Variants in KDM4B observed in about 807,000 individuals in gnomAD.
KDM4B encodes the protein lysine-specific demethylase 4B.
A neutral mutation model predicts 125.2 loss-of-function variants in KDM4B; 32 were observed. That is an observed-to-expected ratio of 0.26 (90% CI 0.19 to 0.34). The LOEUF is 0.34. Ranked by LOEUF, KDM4B falls within the 10% of genes least tolerant of loss-of-function variation. The pLI is 1.00. For missense variants in KDM4B, 1,190 were observed against 1,577.7 expected (o/e 0.75, Z 4.16); for synonymous variants, 721 against 677.9 (o/e 1.06, Z -0.99).
intron 9 of KDM4B, among the ~76,000 whole-genome samples, chr19:5,083,463 A>T (rs1482351454): frequency 6.6e-6 from 1 of 152,192 alleles, no homozygotes; most frequent in Non-Finnish European, 1.5e-5. Flanking sequence ...TGGGCATCAC[A>T]GGTCTAGCCC....
intron 6 of KDM4B, among the ~76,000 whole-genome samples, chr19:5,066,672 A>G (rs2037779664): frequency 6.6e-6 from 1 of 152,236 alleles, no homozygotes; most frequent in Non-Finnish European, 1.5e-5. Context: ...ACCACCACGT[A>G]TGGCTCTCAC....
intron 16 of KDM4B, 22 bp downstream of exon 16, chr19:5,137,360 G>C: frequency 1.3e-6 from 2 of 1,549,440 alleles, no homozygotes; most frequent in Non-Finnish European, 1.7e-6. Flanking sequence ...CCCGCAGCGG[G>C]GGTGGTGCTC....
chr19:5,131,327 C>A lies in KDM4B; in HGVS notation c.1567C>A (p.Arg523=). ...VPSEELEAKP[R]PIIPMLYVVP... ...CAGTGAGGAGCTAGAGGCCAAGCCT[C>A]GGCCCATCATCCCCATGCTGTACGT... The change falls in exon 12 of 23, where the codon CGG becomes AGG. Residue 523 remains arginine (R), a synonymous_variant. Coordinates refer to ENST00000159111, the MANE Select transcript of KDM4B (RefSeq NM_015015.3). 1 of 1,612,254 alleles carries A rather than the reference C, an allele frequency of 6.2e-7. No individual in the cohort carries two copies. Among genetic ancestry groups the A allele is most frequent in the Non-Finnish European group, 8.5e-7 (1 of 1,179,842 alleles).
chr19:5,014,828 T>C (rs2035840597), intron 1 of KDM4B, among the ~76,000 whole-genome samples: 1 of 151,776 alleles, frequency 6.6e-6, no homozygotes, highest in East Asian at 2.0e-4. Flanking sequence ...ACCCCGTCTC[T>C]ACTAAAAATA....
chr19:5,051,270 G>C (rs918738553), intron 6 of KDM4B, among the ~76,000 whole-genome samples: 6 of 152,274 alleles, frequency 3.9e-5, no homozygotes, highest in Non-Finnish European at 8.8e-5. Flanking sequence ...AGAGAGTGGA[G>C]TGGCCATCCC....
intron 6 of KDM4B, among the ~76,000 whole-genome samples, chr19:5,064,155 C>T (rs1218068477): frequency 3.3e-5 from 5 of 152,242 alleles, no homozygotes; most frequent in African/African-American, 9.6e-5. Flanking sequence ...CTTGGGGTCC[C>T]GGGGGCGCCA....
intron 6 of KDM4B, chr19:5,070,769 A>C: frequency 2.2e-6 from 1 of 447,454 alleles, no homozygotes; most frequent in Non-Finnish European, 4.0e-6. Context: ...TGAGTGTGTC[A>C]CAAGCCACCG....
At chr19:5,129,284 G>A (rs1314076494) in intron 11 of KDM4B, among the ~76,000 whole-genome samples, 3 of 152,142 alleles carry the variant, frequency 2.0e-5, no homozygotes, top group Non-Finnish European at 4.4e-5. Context: ...CCTCCTGGCT[G>A]CAGGGTCTGT....
At chr19:5,030,198 C>T (rs538830111) in intron 2 of KDM4B, among the ~76,000 whole-genome samples, 20 of 152,298 alleles carry the variant, frequency 1.3e-4, no homozygotes, top group Non-Finnish European at 2.6e-4. Flanking sequence ...CCTCGACCTC[C>T]CAGGCTAGAG....
At chr19:5,087,040 G>A (rs1363012378) in intron 9 of KDM4B, among the ~76,000 whole-genome samples, 1 of 152,238 alleles carries the variant, frequency 6.6e-6, no homozygotes, top group Admixed American at 6.5e-5. Flanking sequence ...GAGGCAGCCT[G>A]GGGCTCTCCC....
At chr19:5,105,933 C>A (rs1398424274) in intron 9 of KDM4B, among the ~76,000 whole-genome samples, 1 of 152,176 alleles carries the variant, frequency 6.6e-6, no homozygotes, top group Non-Finnish European at 1.5e-5. Context: ...GCCCATGGGC[C>A]CACCTTAGAG....
chr19:5,150,297 C>T, intron 21 of KDM4B, 61 bp from the exon 22 acceptor site: 1 of 1,447,244 alleles, frequency 6.9e-7, no homozygotes, highest in African/African-American at 1.4e-5. Context: ...AGGCCGTGGC[C>T]TGCCTGGAGC....
In KDM4B at chr19:5,035,880, T is replaced by TGTGTGTGTGTGTGTGCGCGCGC. The variant is rs58219404; in HGVS notation, c.141+2850_141+2851insTGTGTGTGTGTGTGCGCGCGCG. Reference sequence around the variant, plus strand: ...ACGTGTCTCTGTGTGTGTGTGTGTGTGCGCGCGCGCGCGCGCCTGCGCGCA... The same window carrying TGTGTGTGTGTGTGTGCGCGCGC: ...ACGTGTCTCTGTGTGTGTGTGTGTGTGTGTGTGTGTGTGTGCGCGCGCGCGCGCGCGCGCGCGCCTGCGCGCA... On this transcript the variant is annotated intron_variant, in intron 3 of 22. Coordinates refer to ENST00000159111, the MANE Select transcript of KDM4B (RefSeq NM_015015.3). This position sits in a 1 kb window ranked among gnomAD's most constrained non-coding sequence, Gnocchi z 5.3. Among the ~76,000 whole-genome samples the TGTGTGTGTGTGTGTGCGCGCGC allele has an allele frequency of 5.1e-5, 7 of 136,400 alleles. No homozygotes were observed. Among genetic ancestry groups the TGTGTGTGTGTGTGTGCGCGCGC allele is most frequent in the African/African-American group, 1.9e-4 (7 of 37,794 alleles). The allele number at this position is 136,400 out of a possible 152,430, so 89.5% of individuals were successfully genotyped here.
At chr19:5,095,949 AGT>A (rs1291786322) in intron 9 of KDM4B, among the ~76,000 whole-genome samples, 1 of 152,210 alleles carries the variant, frequency 6.6e-6, no homozygotes, top group Non-Finnish European at 1.5e-5. Context: ...TGTGAGGCAG[AGT>A]GTGCGCCCCA....
chr19:5,052,838 T>C (rs1223407966), intron 6 of KDM4B, among the ~76,000 whole-genome samples: 2 of 152,224 alleles, frequency 1.3e-5, no homozygotes, highest in Non-Finnish European at 2.9e-5. Flanking sequence ...CTGCTGCTGC[T>C]GGCGAGCCAA....
intron 6 of KDM4B, among the ~76,000 whole-genome samples, chr19:5,068,997 A>G (rs1448754743): frequency 2.6e-5 from 4 of 152,218 alleles, no homozygotes; most frequent in African/African-American, 9.6e-5. Context: ...GCATCTTCCC[A>G]GAAGGAGCAG....
chr19:4,973,344 A>G (rs1028346343), intron 1 of KDM4B, among the ~76,000 whole-genome samples: 2 of 152,012 alleles, frequency 1.3e-5, no homozygotes, highest in African/African-American at 4.8e-5. Flanking sequence ...GCCCGCCACC[A>G]CACCCTGCTA....
intron 1 of KDM4B, among the ~76,000 whole-genome samples, chr19:4,980,744 C>T (rs1021242771): frequency 2.0e-5 from 3 of 152,058 alleles, no homozygotes; most frequent in Admixed American, 6.5e-5. Flanking sequence ...GTCTCTTTAC[C>T]TGGCTGCATC....
intron 1 of KDM4B, among the ~76,000 whole-genome samples, chr19:4,995,722 C>T (rs774347540): frequency 3.3e-5 from 5 of 152,190 alleles, no homozygotes; most frequent in Non-Finnish European, 4.4e-5. Flanking sequence ...GCTGGAGGGA[C>T]CTTGGGTCCC....
Sources: allele counts gnomAD v4.1 joint callset (sites outside exome capture counted in the v4.1 genomes callset), GRCh38; gene constraint gnomAD v4.1.1; non-coding constraint Gnocchi (gnomAD v3.1); transcripts MANE v1.5; gene names NCBI Gene and HGNC (gene_info 2026-07-23, HGNC 2026-07-21).